The following SERPINB12 variants were observed in gnomAD, a reference collection of about 807,000 sequenced individuals.
The protein encoded by SERPINB12 is serpin family B member 12, also known as serpin B12.
SERPINB12 carries 57 observed loss-of-function variants against 41.1 expected under a neutral mutation model. The ratio of observed to expected loss-of-function variants is 1.39; its 90% CI spans 1.12 to 1.73. The LOEUF (loss-of-function observed/expected upper bound fraction) is 1.73, where lower values mean the gene tolerates loss of function less well. Among genes scored for constraint, SERPINB12 ranks in the 40% most tolerant of loss-of-function variants. SERPINB12 has a pLI of 0.00. For missense variants in SERPINB12, 536 were observed against 501.9 expected, an observed-to-expected ratio of 1.07 and a Z score of -0.65; for synonymous variants, 180 against 181.3, an observed-to-expected ratio of 0.99 and a Z score of 0.06.
intron 1 of SERPINB12, among the ~76,000 whole-genome samples, 166 bp downstream of exon 1, chr18:63,542,658 A>G (rs1910297214): frequency 6.6e-6 from 1 of 152,130 alleles, no homozygotes; most frequent in Admixed American, 6.6e-5. Flanking sequence ...CTTTTATTTT[A>G]GGTCAGGGTG....
chr18:63,555,894 G>C (rs9320019), intron 1 of SERPINB12, among the ~76,000 whole-genome samples: 1 of 151,972 alleles, frequency 6.6e-6, no homozygotes, highest in African/African-American at 2.4e-5. Context: ...AAACCACTCA[G>C]TCTGTGGTAA....
Position 63,566,961 on chromosome 18 carries a change from C to T in SERPINB12, c.1228C>T (p.His410Tyr). The change falls in exon 8 of 8, where the codon CAC (histidine) becomes TAC (tyrosine). Residue 410 changes from histidine to tyrosine, a missense_variant. By Grantham distance (83) the His-to-Tyr change is moderately conservative. Coordinates refer to ENST00000382768, the MANE Select transcript of SERPINB12 (RefSeq NM_001307928.2). ...ANHPFLFFIR[H>Y]NKTQTILFYG... is the part of the protein sequence containing the mutation. ...CCACCCTTTTCTCTTTTTCATTAGA[C>T]ACAACAAAACCCAAACCATTCTCTT... 6.2e-7 allele frequency: 1 copy of T among 1,612,154 alleles called. No individual in the cohort carries two copies. Among genetic ancestry groups the T allele is most frequent in the African/African-American group, 1.3e-5 (1 of 74,916 alleles).
At chr18:63,555,348 A>G (rs970756471) in intron 1 of SERPINB12, among the ~76,000 whole-genome samples, 6 of 152,170 alleles carry the variant, frequency 3.9e-5, no homozygotes, top group African/African-American at 1.4e-4. Flanking sequence ...TACAGGCAAA[A>G]GGTGTAAGCA....
At chr18:63,519,886 G>A in the SERPINB12 span, among the ~76,000 whole-genome samples, 1 of 152,128 alleles carries the variant, frequency 6.6e-6, no homozygotes, top group Admixed American at 6.5e-5. Context: ...TAAGCATCAC[G>A]GGTGATTCTG....
intron 1 of SERPINB12, among the ~76,000 whole-genome samples, chr18:63,550,172 CTG>C (rs1234916988): frequency 1.3e-5 from 2 of 152,254 alleles, no homozygotes; most frequent in African/African-American, 4.8e-5. Context: ...TATTTCAAGT[CTG>C]TTTGAAAATA....
chr18:63,556,049 A>G (rs975592852), intron 1 of SERPINB12, 93 bp from the exon 2 acceptor site: 1 of 892,518 alleles, frequency 1.1e-6, no homozygotes, highest in Non-Finnish European at 1.8e-6. Context: ...ATAATTGTGC[A>G]TGATTGTATT....
chr18:63,550,912 G>A, intron 1 of SERPINB12, among the ~76,000 whole-genome samples: 1 of 152,150 alleles, frequency 6.6e-6, no homozygotes, highest in East Asian at 1.9e-4. Context: ...CCACTCTGTT[G>A]ACCTCTAAAA....
chr18:63,569,137 A>ATT lies in SERPINB12; in HGVS notation c.*2134_*2135dup, dbSNP rs3216122. Among the ~76,000 whole-genome samples, 2,795 of 151,184 alleles carry ATT rather than the reference A, an allele frequency of 0.018. 83 individuals carry two copies. Among genetic ancestry groups the ATT allele is most frequent in the African/African-American group, 0.064 (2,634 of 41,154 alleles). ...TCTTATTCTTTTACTTGGTAAACAC[A>ATT]TTTTTTTTTCATTTACATCGGGATT... On this transcript the variant is annotated 3_prime_UTR_variant, in exon 8 of 8. Coordinates refer to ENST00000382768, the MANE Select transcript of SERPINB12 (RefSeq NM_001307928.2).
At chr18:63,541,847 G>T (rs1910278911), upstream of SERPINB12, among the ~76,000 whole-genome samples, 1 of 152,096 alleles carries the variant, frequency 6.6e-6, no homozygotes, top group African/African-American at 2.4e-5. Context: ...AAAAATAACT[G>T]GTGAGGATGC....
chr18:63,553,555 C>T (rs1319937097), intron 1 of SERPINB12, among the ~76,000 whole-genome samples: 1 of 152,160 alleles, frequency 6.6e-6, no homozygotes, highest in Non-Finnish European at 1.5e-5. Flanking sequence ...TAACCAACCC[C>T]TTCTTTTCCT....
intron 2 of SERPINB12, among the ~76,000 whole-genome samples, chr18:63,556,862 G>A (rs543461407): frequency 6.6e-6 from 1 of 152,260 alleles, no homozygotes; most frequent in South Asian, 2.1e-4. Flanking sequence ...CAGTCTCCTT[G>A]AGGTCTGAAC....
chr18:63,547,221 T>G (rs987952934), intron 1 of SERPINB12, among the ~76,000 whole-genome samples: 14 of 152,230 alleles, frequency 9.2e-5, no homozygotes, highest in African/African-American at 3.4e-4. Context: ...ATTGATTTTT[T>G]TAAAATGTAG....
chr18:63,520,061 A>T, the SERPINB12 span, among the ~76,000 whole-genome samples: 1 of 152,124 alleles, frequency 6.6e-6, no homozygotes, highest in African/African-American at 2.4e-5. Context: ...TGCCCCTGGG[A>T]ATCTTCTGTA....
upstream of SERPINB12, among the ~76,000 whole-genome samples, chr18:63,539,204 T>C (rs62098300): frequency 0.056 from 8,519 of 152,214 alleles, 279 homozygotes; most frequent in South Asian, 0.11. Context: ...CTGGCAACCA[T>C]AGCCAAGGCC....
chr18:63,536,874 G>A, the SERPINB12 span, among the ~76,000 whole-genome samples: 2 of 152,094 alleles, frequency 1.3e-5, no homozygotes, highest in Non-Finnish European at 2.9e-5. Context: ...GAGAAGCAAT[G>A]CCAATCAAAG....
chr18:63,559,500 A>G, intron 3 of SERPINB12, 78 bp from the exon 4 acceptor site: 1 of 1,467,042 alleles, frequency 6.8e-7, no homozygotes, highest in Admixed American at 1.8e-5. Context: ...GCTTCTGTAC[A>G]AAACACGCAT....
chr18:63,521,499 C>T, the SERPINB12 span, among the ~76,000 whole-genome samples: 1 of 152,206 alleles, frequency 6.6e-6, no homozygotes, highest in East Asian at 1.9e-4. Flanking sequence ...TTGACTAAGT[C>T]GACCTGGAGT....
chr18:63,555,796 G>A (rs1910653169), intron 1 of SERPINB12, among the ~76,000 whole-genome samples: 1 of 152,164 alleles, frequency 6.6e-6, no homozygotes, highest in Non-Finnish European at 1.5e-5. Context: ...GATTTTCCTT[G>A]AGAGTCTTGA....
upstream of SERPINB12, among the ~76,000 whole-genome samples, chr18:63,539,338 C>T (rs1910230453): frequency 6.6e-6 from 1 of 152,088 alleles, no homozygotes; most frequent in South Asian, 2.1e-4. Flanking sequence ...ATTCCACTTC[C>T]CCATGTCCCC....
Sources: allele counts gnomAD v4.1 joint callset (sites outside exome capture counted in the v4.1 genomes callset), GRCh38; gene constraint gnomAD v4.1.1; transcripts MANE v1.5; gene names NCBI Gene and HGNC (gene_info 2026-07-23, HGNC 2026-07-21).